The following UBE2H variants were observed in gnomAD, a reference collection of about 807,000 sequenced individuals.
UBE2H encodes ubiquitin conjugating enzyme E2 H.
In UBE2H, 3 loss-of-function variants were observed where a neutral mutation model predicts 29.0. The observed-to-expected ratio is 0.10, with a 90% CI of 0.05 to 0.27. The LOEUF (loss-of-function observed/expected upper bound fraction) is 0.27, where lower values mean the gene tolerates loss of function less well. UBE2H is among the 10% of genes least tolerant of loss of function. The pLI is 1.00. For synonymous variants in UBE2H, 69 were observed against 82.9 expected (o/e 0.83, Z 0.91); for missense variants, 68 against 228.2 (o/e 0.30, Z 4.52).
intron 1 of UBE2H, among the ~76,000 whole-genome samples, chr7:129,924,327 T>C (rs916438055): frequency 6.6e-6 from 1 of 152,224 alleles, no homozygotes; most frequent in East Asian, 1.9e-4. Flanking sequence ...AGACTTTTCC[T>C]AGTTAACATT....
chr7:129,847,638 G>C (rs62491495), intron 5 of UBE2H, among the ~76,000 whole-genome samples: 9,973 of 152,260 alleles, frequency 0.065, 538 homozygotes, highest in East Asian at 0.26. Flanking sequence ...ACCATGCCCA[G>C]CTGAGGCCCA....
chr7:129,918,780 T>C (rs945984291), intron 1 of UBE2H, among the ~76,000 whole-genome samples: 3 of 152,036 alleles, frequency 2.0e-5, no homozygotes, highest in Non-Finnish European at 4.4e-5. Flanking sequence ...ATGTTTAACA[T>C]GTAAGAAAGA....
intron 3 of UBE2H, among the ~76,000 whole-genome samples, chr7:129,872,431 T>A (rs184310612): frequency 1.3e-5 from 2 of 152,252 alleles, no homozygotes; most frequent in Admixed American, 1.3e-4. Context: ...AAAAATAGTG[T>A]GAGGTCATTT....
At chr7:129,874,151 T>C (rs965125168) in intron 3 of UBE2H, among the ~76,000 whole-genome samples, 5 of 152,150 alleles carry the variant, frequency 3.3e-5, no homozygotes, top group Non-Finnish European at 7.3e-5. Context: ...ATCATTTAAA[T>C]GTAAGATAAA....
intron 5 of UBE2H, among the ~76,000 whole-genome samples, chr7:129,852,360 G>A (rs1210980119): frequency 2.6e-5 from 4 of 152,032 alleles, no homozygotes; most frequent in African/African-American, 4.8e-5. Flanking sequence ...CCAGCTACTC[G>A]GGAGGCTGAG....
intron 1 of UBE2H, among the ~76,000 whole-genome samples, chr7:129,889,773 C>T (rs1319202711): frequency 6.6e-6 from 1 of 152,060 alleles, no homozygotes; most frequent in African/African-American, 2.4e-5. Context: ...TGCTTGAGGC[C>T]AGGAGTCCGA....
At chr7:129,850,384 G>C (rs1805587482) in intron 5 of UBE2H, among the ~76,000 whole-genome samples, 1 of 151,998 alleles carries the variant, frequency 6.6e-6, no homozygotes, top group African/African-American at 2.4e-5. Flanking sequence ...ATAACAATTA[G>C]TAGGAATTCA....
intron 1 of UBE2H, among the ~76,000 whole-genome samples, chr7:129,913,646 A>T (rs2693744): frequency 0.93 from 140,890 of 152,174 alleles, 65,302 homozygotes; most frequent in Admixed American, 0.96. Context: ...TCAGAAGGGT[A>T]AAGAGCCTTT....
At chr7:129,863,263 C>T (rs960734884) in intron 3 of UBE2H, among the ~76,000 whole-genome samples, 1 of 152,184 alleles carries the variant, frequency 6.6e-6, no homozygotes, top group Non-Finnish European at 1.5e-5. Context: ...GTCTCCAGTG[C>T]CCCTGCTAAG....
At chr7:129,903,903 C>G (rs1806766151) in intron 1 of UBE2H, among the ~76,000 whole-genome samples, 1 of 152,138 alleles carries the variant, frequency 6.6e-6, no homozygotes, top group South Asian at 2.1e-4. Context: ...CACCCTGTCT[C>G]TTAAAAAATA....
chr7:129,933,200 T>A (rs1807444823), intron 1 of UBE2H, among the ~76,000 whole-genome samples: 1 of 152,178 alleles, frequency 6.6e-6, no homozygotes. Flanking sequence ...CTGAAGTAGT[T>A]CTTAAGTCCT....
At chr7:129,945,320 T>C (rs1807740604) in intron 1 of UBE2H, among the ~76,000 whole-genome samples, 1 of 152,248 alleles carries the variant, frequency 6.6e-6, no homozygotes, top group Admixed American at 6.5e-5. Flanking sequence ...CTACAGTTCC[T>C]GTTAGATCTA....
intron 1 of UBE2H, among the ~76,000 whole-genome samples, chr7:129,907,618 G>T (rs1806847098): frequency 6.6e-6 from 1 of 152,192 alleles, no homozygotes; most frequent in Non-Finnish European, 1.5e-5. Context: ...AAGGTTTTAT[G>T]CCGAGGTAGA....
At chr7:129,902,386 A>G (rs1806734057) in intron 1 of UBE2H, among the ~76,000 whole-genome samples, 1 of 152,200 alleles carries the variant, frequency 6.6e-6, no homozygotes, top group Non-Finnish European at 1.5e-5. Flanking sequence ...CTGCAATCCT[A>G]GCTACTTGGG....
chr7:129,852,597 T>C (rs1805631439), intron 5 of UBE2H, among the ~76,000 whole-genome samples: 1 of 152,272 alleles, frequency 6.6e-6, no homozygotes, highest in Non-Finnish European at 1.5e-5. Context: ...TCCCAAATGT[T>C]GATTTTTCTC....
At chr7:129,836,808 A>G (rs1805333767) in intron 6 of UBE2H, among the ~76,000 whole-genome samples, 1 of 141,896 alleles carries the variant, frequency 7.0e-6, no homozygotes, top group Non-Finnish European at 1.5e-5. Flanking sequence ...TGAACCCGGG[A>G]GGCAGAGGCT....
At chr7:129,911,116 G>A (rs924940828) in intron 1 of UBE2H, among the ~76,000 whole-genome samples, 2 of 152,148 alleles carry the variant, frequency 1.3e-5, no homozygotes, top group South Asian at 2.1e-4. Context: ...TGTAATCCCA[G>A]CACTTTGGGA....
chr7:129,952,293 G>C (rs1363994530), intron 1 of UBE2H, among the ~76,000 whole-genome samples: 1 of 152,132 alleles, frequency 6.6e-6, no homozygotes, highest in African/African-American at 2.4e-5. Context: ...GCAGCAACGC[G>C]TATTTCGGGG....
chr7:129,845,856 C>T (rs1416644749), intron 5 of UBE2H, among the ~76,000 whole-genome samples: 1 of 152,200 alleles, frequency 6.6e-6, no homozygotes, highest in African/African-American at 2.4e-5. Flanking sequence ...AGAAGTATAA[C>T]ATTGCTATTC....
Sources: gnomAD v4.1 joint callset for allele counts (sites outside exome capture counted in the v4.1 genomes callset) on GRCh38, gnomAD v4.1.1 for gene constraint, MANE v1.5 for transcripts, NCBI Gene and HGNC (gene_info 2026-07-23, HGNC 2026-07-21) for gene names.